The following PCSK7 variants were observed in gnomAD, a reference collection of about 807,000 sequenced individuals.
The protein encoded by PCSK7 is proprotein convertase subtilisin/kexin type 7, also known as lymphoma proprotein convertase.
A neutral mutation model predicts 73.3 loss-of-function variants in PCSK7; 38 were observed. The observed-to-expected ratio is 0.52, with a 90% CI of 0.40 to 0.68. The LOEUF (loss-of-function observed/expected upper bound fraction) is 0.68. Among genes scored for constraint, PCSK7 ranks in the 30% least tolerant of loss-of-function variants. The probability of loss-of-function intolerance (pLI) is 0.00; values close to 1 mark genes in which losing one functional copy is unlikely to be tolerated. For synonymous variants in PCSK7, 296 were observed against 383.8 expected (o/e 0.77, Z 2.68); for missense variants, 692 against 991.5 (o/e 0.70, Z 4.06).
rs2031368524 is a variant in PCSK7 at position 117,206,211 on chromosome 11, T to C, written c.2144A>G (p.Glu715Gly). The change falls in exon 17 of 17, where the codon GAG (glutamate) becomes GGG (glycine). Residue 715 changes from glutamate to glycine, a missense_variant. By Grantham distance (98) the Glu-to-Gly change is moderately conservative. Around this residue, in one of 6 missense-constraint regions of PCSK7, gnomAD observed 78 missense variants for 102.6 expected, o/e 0.76. Coordinates refer to ENST00000320934, the MANE Select transcript of PCSK7 (RefSeq NM_004716.4). The part of the protein sequence containing the change: ...HWPHRSRKAK[E>G]EGTELESVPL... ...CACTGATTCTAGCTCTGTCCCTTCC[T>C]CCTTGGCTTTCCGGCTCCGATGGGG... 6.2e-7 allele frequency: 1 copy of C among 1,614,000 alleles called. No individual in the cohort carries two copies. The highest frequency in any genetic ancestry group is 1.3e-5 in the African/African-American group (1 of 74,906).
intron 12 of PCSK7, chr11:117,216,087 G>C (rs1448222672): frequency 6.6e-6 from 1 of 152,104 alleles, no homozygotes; most frequent in African/African-American, 2.4e-5. Flanking sequence ...CAATGCTCCT[G>C]CCTCAGCTTC....
intron 8 of PCSK7, chr11:117,223,817 C>T: frequency 2.2e-6 from 1 of 463,468 alleles, no homozygotes; most frequent in Non-Finnish European, 3.9e-6. Context: ...CACAGAAAGA[C>T]AGGCCAGAGC....
At position 117,204,479 on chromosome 11, in the gene PCSK7, C is replaced by T. The variant is rs1231222341; in HGVS notation, c.*1518G>A. 16 of 1,474,356 alleles carry T rather than the reference C, an allele frequency of 1.1e-5. No homozygotes were observed. Among genetic ancestry groups the T allele is most frequent in the Non-Finnish European group, 1.4e-5 (15 of 1,072,888 alleles). The allele number at this position is 1,474,356 out of a possible 1,614,324, so 91.3% of individuals were successfully genotyped here. A position where few individuals can be genotyped will look rare whatever the true frequency, so the allele number is the denominator to read the frequency against. Reference sequence around the variant, plus strand: ...TCAGCCCTGGCCAAGCTTTGAGGCTCTGTCACTGAGCAATGGTAACTGCAC... The same window carrying T: ...TCAGCCCTGGCCAAGCTTTGAGGCTTTGTCACTGAGCAATGGTAACTGCAC... On this transcript the variant is annotated 3_prime_UTR_variant, in exon 17 of 17. Transcript: ENST00000320934.
At chr11:117,214,672 G>C (rs930055120) in intron 12 of PCSK7, 4 of 152,290 alleles carry the variant, frequency 2.6e-5, no homozygotes, top group African/African-American at 7.2e-5. Flanking sequence ...TTCTGTGGCA[G>C]AGGGAGTGTG....
chr11:117,228,081 G>A, intron 4 of PCSK7, 135 bp downstream of exon 4: 1 of 767,252 alleles, frequency 1.3e-6, no homozygotes, highest in Non-Finnish European at 2.1e-6. Context: ...GGGAAAAGAA[G>A]AGGATGAACC....
intron 9 of PCSK7, chr11:117,222,874 T>A (rs2032258744): frequency 9.0e-6 from 2 of 221,654 alleles, no homozygotes; most frequent in Non-Finnish European, 1.8e-5. Context: ...CTTGAACTCC[T>A]GACCTCAAGT....
At chr11:117,224,527 C>T (rs2032334631) in intron 7 of PCSK7, among the ~76,000 whole-genome samples, 174 bp downstream of exon 7, 1 of 152,094 alleles carries the variant, frequency 6.6e-6, no homozygotes, top group Non-Finnish European at 1.5e-5. Context: ...GTTCCATTTC[C>T]CTCTCTAGGA....
Position 117,219,629 on chromosome 11 carries a change from G to A in PCSK7, c.1285C>T (p.Arg429Cys), listed in dbSNP as rs1265566904. Reference sequence around the variant, plus strand: ...AAGACAATGATGTGCTGGACGTCACGCCACGTGAGGCAGGGCCGCACCTGC... The same window carrying A: ...AAGACAATGATGTGCTGGACGTCACACCACGTGAGGCAGGGCCGCACCTGC... ...MLQVRPCLTWRDVQHIIVFTA... is the reference protein window; with the variant it reads ...MLQVRPCLTWCDVQHIIVFTA... Residue 429 changes from arginine (R) to cysteine (C), a missense_variant, in exon 10 of 17, where the codon CGT becomes TGT. Around this residue, in one of 6 missense-constraint regions of PCSK7, gnomAD observed 574 missense variants for 689.8 expected, o/e 0.83. Coordinates refer to ENST00000320934, the MANE Select transcript of PCSK7 (RefSeq NM_004716.4). The A allele has an allele frequency of 6.2e-7, 1 of 1,612,292 alleles. No individual in the cohort carries two copies. The highest frequency in any genetic ancestry group is 1.3e-5 in the African/African-American group (1 of 74,808).
At chr11:117,227,679 G>A (rs1008183926) in intron 4 of PCSK7, among the ~76,000 whole-genome samples, 26 of 152,214 alleles carry the variant, frequency 1.7e-4, no homozygotes, top group African/African-American at 6.0e-4. Context: ...CTGACCTCCT[G>A]ATCCGCCCGC....
chr11:117,226,506 T>G (rs7926958), intron 5 of PCSK7: 54,229 of 158,010 alleles, frequency 0.34, 9,778 homozygotes, highest in African/African-American at 0.43. Flanking sequence ...AATATATATA[T>G]AGAGAGAGAC....
intron 10 of PCSK7, 157 bp downstream of exon 10, chr11:117,219,434 G>A (rs2032109041): frequency 1.4e-6 from 1 of 736,702 alleles, no homozygotes; most frequent in Admixed American, 3.0e-5. Context: ...GGTCTTTGTG[G>A]GGTCCCCACA....
At chr11:117,213,435 G>C (rs971188352) in intron 12 of PCSK7, 1 of 152,182 alleles carries the variant, frequency 6.6e-6, no homozygotes, top group Non-Finnish European at 1.5e-5. Context: ...GAAAATCTTA[G>C]AAAGCAAGCC....
rs2031349152 is a variant in PCSK7 at position 117,206,014 on chromosome 11, C to A, written c.2341G>T (p.Glu781Ter). 6 of 1,208,916 alleles carry A rather than the reference C, an allele frequency of 5.0e-6. No individual in the cohort carries two copies. The highest frequency in any genetic ancestry group is 5.8e-6 in the Non-Finnish European group (5 of 865,568). 74.9% of individuals were successfully genotyped at this position (1,208,916 alleles called of 1,614,324 possible). Residue 781 changes from glutamate to a stop codon, truncating the protein, a stop_gained, in exon 17 of 17, where the codon GAG becomes TAG. Coordinates refer to ENST00000320934, the MANE Select transcript of PCSK7 (RefSeq NM_004716.4). LOFTEE classifies it high-confidence loss of function. ...HQHLDVPHGK[E>*]EQIC ...CCCTGAGGTCAGCAGATCTGCTCCT[C>A]CTTCCCGTGCGGTACGTCTAGGTGC...
chr11:117,227,338 G>C lies in PCSK7; in HGVS notation c.604-16C>G. On this transcript the variant is annotated splice_polypyrimidine_tract_variant and intron_variant, in intron 4 of 16. Coordinates refer to ENST00000320934, the MANE Select transcript of PCSK7 (RefSeq NM_004716.4). ...CCTCAGGGCTCTGAAATATTTTGGA[G>C]GTGACATGTGGTCATTCACTGGTTA... is the stretch of plus-strand genomic sequence containing the variant. 6.2e-7 allele frequency: 1 copy of C among 1,604,856 alleles called. No homozygotes were observed. Among genetic ancestry groups the C allele is most frequent in the East Asian group, 2.2e-5 (1 of 44,852 alleles).
Position 117,205,255 on chromosome 11 carries a change from G to A in PCSK7, c.*742C>T, listed in dbSNP as rs764790471. On this transcript the variant is annotated 3_prime_UTR_variant, in exon 17 of 17. Coordinates refer to ENST00000320934, the MANE Select transcript of PCSK7 (RefSeq NM_004716.4). ...GTCAGGCAGATAGCTGGCCTCCGGCGGGAAGGCCATTTCCCTGAGCACTTG... is the reference window on the plus strand; with the variant it reads ...GTCAGGCAGATAGCTGGCCTCCGGCAGGAAGGCCATTTCCCTGAGCACTTG... The A allele has an allele frequency of 5.1e-5, 12 of 233,758 alleles. No homozygotes were observed. The highest frequency in any genetic ancestry group is 8.5e-5 in the Non-Finnish European group (10 of 118,038). The allele number at this position is 233,758 out of a possible 1,614,324, so 14.5% of individuals were successfully genotyped here. A position where few individuals can be genotyped will look rare whatever the true frequency, so the allele number is the denominator to read the frequency against.
chr11:117,218,979 C>A lies in PCSK7; in HGVS notation c.1431+78G>T, dbSNP rs1466470349. On this transcript the variant is annotated intron_variant, in intron 11 of 16. Coordinates refer to ENST00000320934, the MANE Select transcript of PCSK7 (RefSeq NM_004716.4). This position sits in a 1 kb window ranked among gnomAD's most constrained non-coding sequence, Gnocchi z 4.0. ...AACATTTACTAGGCACCTATGATAT[C>A]CCAGGCAGTTTGGGGCATTCAGCTC... 1.2e-6 allele frequency: 1 copy of A among 850,504 alleles called. No homozygotes were observed. Among genetic ancestry groups the A allele is most frequent in the Non-Finnish European group, 1.9e-6 (1 of 536,484 alleles). The allele number at this position is 850,504 out of a possible 1,614,324, so 52.7% of individuals were successfully genotyped here. A position where few individuals can be genotyped will look rare whatever the true frequency, so the allele number is the denominator to read the frequency against.
intron 10 of PCSK7, chr11:117,219,383 G>A (rs2134312068): frequency 1.6e-6 from 1 of 637,154 alleles, no homozygotes; most frequent in Non-Finnish European, 2.7e-6. Context: ...AGGAGGCACA[G>A]CCAGAGCTCC....
intron 9 of PCSK7, 134 bp from the exon 10 acceptor site, chr11:117,219,892 C>T: frequency 1.8e-6 from 1 of 560,764 alleles, no homozygotes; most frequent in Admixed American, 3.9e-5. Context: ...TATGACTGTG[C>T]CACTGCACTC....
In PCSK7 at chr11:117,219,174, C is replaced by T; in HGVS notation, c.1324-10G>A. 6.3e-7 allele frequency: 1 copy of T among 1,588,032 alleles called. No individual in the cohort carries two copies. The highest frequency in any genetic ancestry group is 8.6e-7 in the Non-Finnish European group (1 of 1,162,226). ...CACGGCGATCCTCATACTGAAAGGA[C>T]AGAGGTCCTGGTTAGTCTCTTGCAT... On this transcript the variant is annotated splice_polypyrimidine_tract_variant and intron_variant, in intron 10 of 16. Coordinates refer to ENST00000320934, the MANE Select transcript of PCSK7 (RefSeq NM_004716.4).
Sources: allele counts gnomAD v4.1 joint callset (sites outside exome capture counted in the v4.1 genomes callset), GRCh38; gene constraint gnomAD v4.1.1; regional missense constraint gnomAD v4.1.1; non-coding constraint Gnocchi (gnomAD v3.1); transcripts MANE v1.5; gene names NCBI Gene and HGNC (gene_info 2026-07-23, HGNC 2026-07-21).